GALK2: variants seen among roughly 807,000 people sequenced by gnomAD.
GALK2 encodes the protein N-acetylgalactosamine kinase.
Under a neutral mutation model 52.4 loss-of-function variants are expected in GALK2, and 36 were observed. That is an observed-to-expected ratio of 0.69 (90% confidence interval 0.53 to 0.91). The LOEUF (loss-of-function observed/expected upper bound fraction) is 0.91, where lower values mean the gene tolerates loss of function less well. Ranked by LOEUF, GALK2 falls within the 40% of genes least tolerant of loss-of-function variation. GALK2 has a pLI of 0.00. For missense variants in GALK2, 579 were observed against 559.1 expected (o/e 1.04, Z -0.36); for synonymous variants, 176 against 199.1 (o/e 0.88, Z 0.98).
chr15:49,254,802 T>C lies in GALK2; in HGVS notation c.504+15435T>C, dbSNP rs1217609991. On this transcript the variant is annotated intron_variant, in intron 5 of 9. Transcript: ENST00000560031. The stretch of plus-strand genomic sequence containing the variant: ...TTATTTGGGATAATATTGTTACCTA[T>C]TGACAGCGATGTTACATCTCTCACA... 3.5e-5 allele frequency among the ~76,000 whole-genome samples: 5 copies of C among 144,462 alleles called. 2 individuals are homozygous for C. Among genetic ancestry groups the C allele is most frequent in the Non-Finnish European group, 7.8e-5 (5 of 64,218 alleles). The allele number at this position is 144,462 out of a possible 152,430, so 94.8% of individuals were successfully genotyped here. A position where few individuals can be genotyped will look rare whatever the true frequency, so the allele number is the denominator to read the frequency against.
chr15:49,247,773 AAT>A (rs990295127), intron 5 of GALK2, among the ~76,000 whole-genome samples: 3 of 152,194 alleles, frequency 2.0e-5, no homozygotes, highest in African/African-American at 7.2e-5. Context: ...CCAGACTTAA[AAT>A]ATGTGTCAGC....
chr15:49,230,398 GCCTCTCC>G (rs2090435901), intron 3 of GALK2, among the ~76,000 whole-genome samples: 1 of 152,206 alleles, frequency 6.6e-6, no homozygotes, highest in Non-Finnish European at 1.5e-5. Flanking sequence ...ACGCTGAAGA[GCCTCTCC>G]AGGCTCCCAG....
chr15:49,296,270 T>C (rs1199778321), intron 8 of GALK2, among the ~76,000 whole-genome samples: 1 of 152,206 alleles, frequency 6.6e-6, no homozygotes, highest in Admixed American at 6.5e-5. Context: ...ACTCTCACTC[T>C]CCTACCACTG....
chr15:49,299,627 C>T (rs564611182), intron 8 of GALK2, among the ~76,000 whole-genome samples: 16 of 152,114 alleles, frequency 1.1e-4, no homozygotes, highest in African/African-American at 3.9e-4. Context: ...GCCTTAATAT[C>T]CTTCTTTACC....
chr15:49,227,670 AT>A (rs1162110666), intron 3 of GALK2, among the ~76,000 whole-genome samples: 1 of 151,488 alleles, frequency 6.6e-6, no homozygotes, highest in Non-Finnish European at 1.5e-5. Flanking sequence ...TATTCCTGTC[AT>A]TTTGTTAATT....
intron 8 of GALK2, among the ~76,000 whole-genome samples, chr15:49,306,377 A>G (rs2035545831): frequency 6.6e-6 from 1 of 152,162 alleles, no homozygotes; most frequent in Non-Finnish European, 1.5e-5. Context: ...AGAACCAGCT[A>G]TTTAAGCACT....
At chr15:49,196,658 GT>G (rs2087262031) in intron 1 of GALK2, among the ~76,000 whole-genome samples, 1 of 152,030 alleles carries the variant, frequency 6.6e-6, no homozygotes, top group Admixed American at 6.5e-5. Context: ...TCTTTTCTCT[GT>G]GTTTTTGGAC....
intron 3 of GALK2, chr15:49,225,401 A>G: frequency 8.2e-6 from 3 of 366,054 alleles, no homozygotes; most frequent in Non-Finnish European, 1.6e-5. Flanking sequence ...GTCTCCCGTC[A>G]GATCAGCAGT....
At chr15:49,364,206 A>G (rs1336236480) in intron 3 of GALK2, among the ~76,000 whole-genome samples, 3 of 152,096 alleles carry the variant, frequency 2.0e-5, no homozygotes, top group African/African-American at 7.2e-5. Context: ...TCTTCTTTAT[A>G]TATCTGGTGG....
intron 3 of GALK2, chr15:49,366,536 G>GT: frequency 1.9e-6 from 3 of 1,539,348 alleles, no homozygotes; most frequent in Non-Finnish European, 2.7e-6. Flanking sequence ...TGGAAGAGCT[G>GT]ACCAATGGGG....
chr15:49,272,938 G>A (rs1425040174), intron 5 of GALK2, among the ~76,000 whole-genome samples: 3 of 152,238 alleles, frequency 2.0e-5, no homozygotes, highest in East Asian at 3.9e-4. Flanking sequence ...TTCTCTTGTC[G>A]ACAAGTCTGG....
intron 8 of GALK2, among the ~76,000 whole-genome samples, chr15:49,293,770 A>G (rs2034172478): frequency 6.6e-6 from 1 of 152,128 alleles, no homozygotes; most frequent in Non-Finnish European, 1.5e-5. Flanking sequence ...ATGGAGTTGT[A>G]CTTGGGTCTA....
At chr15:49,185,664 A>G (rs1016114135) in intron 1 of GALK2, 1 of 152,080 alleles carries the variant, frequency 6.6e-6, no homozygotes, top group Non-Finnish European at 1.5e-5. Flanking sequence ...AGCCATTCTG[A>G]CTAGTGTAAG....
At chr15:49,365,729 T>C in intron 3 of GALK2, 3 of 889,188 alleles carry the variant, frequency 3.4e-6, no homozygotes, top group South Asian at 2.6e-5. Flanking sequence ...ATCTCCAAGA[T>C]ATCTTGTAAA....
chr15:49,334,429 C>G (rs193059186), downstream of GALK2: 1 of 158,048 alleles, frequency 6.3e-6, no homozygotes, highest in East Asian at 1.9e-4. Context: ...TCCCTATGCA[C>G]TATTTAGTGT....
chr15:49,304,198 G>T (rs1038755200), intron 8 of GALK2, among the ~76,000 whole-genome samples: 3 of 152,106 alleles, frequency 2.0e-5, no homozygotes, highest in African/African-American at 7.2e-5. Context: ...TTTACATTTT[G>T]TAGGTTTCCA....
Position 49,331,499 on chromosome 15 carries a change from G to T in GALK2, c.*3340G>T. On this transcript the variant is annotated 3_prime_UTR_variant, in exon 10 of 10. Coordinates refer to ENST00000560031, the MANE Select transcript of GALK2 (RefSeq NM_002044.4). ...GAAAAACTTACAATTTTAAACATCA[G>T]TGATTATTAGTTTGTAATTCTAACT... is the stretch of plus-strand genomic sequence containing the variant. 2.8e-6 allele frequency: 1 copy of T among 356,272 alleles called. No homozygotes were observed. Among genetic ancestry groups the T allele is most frequent in the Non-Finnish European group, 5.1e-6 (1 of 196,650 alleles). The allele number at this position is 356,272 out of a possible 1,614,324, so 22.1% of individuals were successfully genotyped here.
chr15:49,361,422 T>C (rs1382321629), intron 3 of GALK2, among the ~76,000 whole-genome samples: 2 of 152,056 alleles, frequency 1.3e-5, no homozygotes, highest in Admixed American at 6.6e-5. Context: ...AAGTAGGTCC[T>C]GGTGTCTGTT....
chr15:49,349,333 C>A (rs931257936), intron 3 of GALK2, among the ~76,000 whole-genome samples: 4 of 152,034 alleles, frequency 2.6e-5, no homozygotes, highest in Non-Finnish European at 5.9e-5. Flanking sequence ...AACTCATCCT[C>A]CCCCTCTTAA....
Sources: allele counts gnomAD v4.1 joint callset (sites outside exome capture counted in the v4.1 genomes callset), GRCh38; gene constraint gnomAD v4.1.1; transcripts MANE v1.5; gene names NCBI Gene and HGNC (gene_info 2026-07-23, HGNC 2026-07-21).